LRP2: variants seen among roughly 807,000 people sequenced by gnomAD.
LRP2 encodes LDL receptor related protein 2, also known as low-density lipoprotein receptor-related protein 2.
LRP2 carries 172 observed loss-of-function variants against 531.0 expected under a neutral mutation model. The observed-to-expected ratio is 0.32, with a 90% CI of 0.29 to 0.37. The LOEUF (loss-of-function observed/expected upper bound fraction) is 0.37, where lower values mean the gene tolerates loss of function less well. Ranked by LOEUF, LRP2 falls within the 10% of genes least tolerant of loss-of-function variation. The pLI is 1.00. For missense variants in LRP2, 5,167 were observed against 5,868.3 expected, an observed-to-expected ratio of 0.88 and a Z score of 3.90; for synonymous variants, 1,992 against 2,027.6, an observed-to-expected ratio of 0.98 and a Z score of 0.47.
At chr2:169,264,094 T>C (rs1574196296) in intron 16 of LRP2, among the ~76,000 whole-genome samples, 1 of 151,928 alleles carries the variant, frequency 6.6e-6, no homozygotes, top group African/African-American at 2.4e-5. Context: ...TGGGGACTGT[T>C]GTGGGGTGGC....
Position 169,294,639 on chromosome 2 carries a change from T to C in LRP2, c.499A>G (p.Lys167Glu). ...CYNTSQKCDW[K>E]VDCRDSSDEI... ...TCTGAGGAGTCCCTGCAATCAACTT[T>C]CCAATCACACTTCTGACTGGTGTTA... The change falls in exon 5 of 79, where the codon AAA becomes GAA. Residue 167 changes from lysine (K) to glutamate (E), a missense_variant. Physicochemically the swap from Lys to Glu is moderately conservative, Grantham distance 56. Around this residue, in one of 6 missense-constraint regions of LRP2, gnomAD observed 2,811 missense variants for 3,058.0 expected, o/e 0.92. Coordinates refer to ENST00000649046, the MANE Select transcript of LRP2 (RefSeq NM_004525.3). 2 of 1,613,202 alleles carry C rather than the reference T, an allele frequency of 1.2e-6. No individual in the cohort carries two copies. The highest frequency in any genetic ancestry group is 1.7e-6 in the Non-Finnish European group (2 of 1,179,800).
intron 16 of LRP2, among the ~76,000 whole-genome samples, chr2:169,270,673 G>A (rs1180151890): frequency 6.6e-6 from 1 of 151,610 alleles, no homozygotes; most frequent in Admixed American, 6.6e-5. Context: ...GTTAACGGGT[G>A]CAGCACACCA....
At chr2:169,337,367 AG>A (rs1039561601) in intron 1 of LRP2, among the ~76,000 whole-genome samples, 11 of 152,274 alleles carry the variant, frequency 7.2e-5, no homozygotes, top group Admixed American at 5.9e-4. Flanking sequence ...CGTACCACAT[AG>A]GTTGTGGTAC....
intron 44 of LRP2, 127 bp downstream of exon 44, chr2:169,201,501 A>G (rs1688200912): frequency 7.4e-7 from 1 of 1,343,218 alleles, no homozygotes; most frequent in African/African-American, 1.5e-5. Context: ...CTAGCCAAAA[A>G]TTTACGTTTT....
At chr2:169,308,317 GC>G (rs1559068107) in intron 3 of LRP2, among the ~76,000 whole-genome samples, 1 of 152,000 alleles carries the variant, frequency 6.6e-6, no homozygotes, top group African/African-American at 2.4e-5. Flanking sequence ...TTGGTGTGCT[GC>G]CCCCATTAAC....
intron 3 of LRP2, among the ~76,000 whole-genome samples, chr2:169,316,768 C>T (rs1684774772): frequency 6.6e-6 from 1 of 151,968 alleles, no homozygotes; most frequent in African/African-American, 2.4e-5. Context: ...CTGAGAGTGT[C>T]CAGAATGAGA....
chr2:169,152,409 C>T (rs1248789374), intron 67 of LRP2, among the ~76,000 whole-genome samples: 1 of 152,164 alleles, frequency 6.6e-6, no homozygotes, highest in African/African-American at 2.4e-5. Flanking sequence ...GAGGCTGTCC[C>T]ATTTCTTCAC....
chr2:169,212,407 C>T (rs950361206), intron 36 of LRP2, among the ~76,000 whole-genome samples, 200 bp from the exon 37 acceptor site: 2 of 152,060 alleles, frequency 1.3e-5, no homozygotes, highest in Non-Finnish European at 1.5e-5. Context: ...ACCAGTAACC[C>T]AACTATTGTA....
rs1241069954 is a variant in LRP2, at chr2:169,273,063, G to A, written c.1980C>T (p.Thr660=). ...VYHSLRQPYA[T]NPCKDNNGGC... ...CCCCATTGTTATCTTTACACGGATT[G>A]GTAGCTGGAAGGAAAAATGCACAGG... Residue 660 remains threonine, a synonymous_variant, in exon 15 of 79, where the codon ACC becomes ACT. Coordinates refer to ENST00000649046, the MANE Select transcript of LRP2 (RefSeq NM_004525.3). 19 of 1,613,374 alleles carry A rather than the reference G, an allele frequency of 1.2e-5. No homozygotes were observed. The Admixed American group carries it at 2.5e-4, about 21-fold the overall frequency.
chr2:169,181,683 C>A, intron 51 of LRP2, 65 bp from the exon 52 acceptor site: 13 of 1,417,956 alleles, frequency 9.2e-6, no homozygotes, highest in Non-Finnish European at 1.2e-5. Context: ...AAAATACACA[C>A]CTTTTCTCCA....
At chr2:169,247,658 C>T in intron 19 of LRP2, 143 bp from the exon 20 acceptor site, 1 of 888,336 alleles carries the variant, frequency 1.1e-6, no homozygotes, top group Non-Finnish European at 1.8e-6. Flanking sequence ...TTTCTCTAAC[C>T]ATTTTCCACG....
intron 9 of LRP2, among the ~76,000 whole-genome samples, chr2:169,285,935 A>T (rs1483427657): frequency 6.6e-6 from 1 of 152,200 alleles, no homozygotes; most frequent in Non-Finnish European, 1.5e-5. Context: ...GGTTTCCAAC[A>T]CCTGAAGCCT....
chr2:169,155,078 G>T (rs1046755976), intron 65 of LRP2, among the ~76,000 whole-genome samples: 2 of 152,106 alleles, frequency 1.3e-5, no homozygotes, highest in African/African-American at 4.8e-5. Context: ...TCAGCTCTAT[G>T]ACCCAATTTA....
At chr2:169,257,829 A>AAC (rs1690370943) in intron 17 of LRP2, among the ~76,000 whole-genome samples, 1 of 149,308 alleles carries the variant, frequency 6.7e-6, no homozygotes, top group African/African-American at 2.5e-5. Flanking sequence ...CAAAAACAAA[A>AAC]AAAAAAAACA....
chr2:169,136,294 A>T (rs1221023486), intron 76 of LRP2, among the ~76,000 whole-genome samples: 1 of 152,086 alleles, frequency 6.6e-6, no homozygotes, highest in African/African-American at 2.4e-5. Context: ...AACACTGCGC[A>T]TTATCTCTCC....
chr2:169,294,491 A>T, intron 5 of LRP2, 109 bp downstream of exon 5: 1 of 864,340 alleles, frequency 1.2e-6, no homozygotes, highest in African/African-American at 1.6e-5. Context: ...CAAACTACCA[A>T]CATGAATTCA....
chr2:169,173,992 G>A lies in LRP2; in HGVS notation c.10941C>T (p.Cys3647=), dbSNP rs1687095417. 1 of 1,614,218 alleles carries A rather than the reference G, an allele frequency of 6.2e-7. No individual in the cohort carries two copies. Among genetic ancestry groups the A allele is most frequent in the Non-Finnish European group, 8.5e-7 (1 of 1,180,038 alleles). Residue 3647 remains cysteine (C), a synonymous_variant, in exon 56 of 79, where the codon TGC becomes TGT. Coordinates refer to ENST00000649046, the MANE Select transcript of LRP2 (RefSeq NM_004525.3). ...CATCACACTTCCAGGCCTGCGGGATGCAGCGGCCATTAGCACACCGAAACT... is the reference window on the plus strand; with the variant it reads ...CATCACACTTCCAGGCCTGCGGGATACAGCGGCCATTAGCACACCGAAACT... The part of the protein sequence containing the change: ...PGQFRCANGR[C]IPQAWKCDVD...
chr2:169,175,492 C>A, intron 54 of LRP2, 103 bp from the exon 55 acceptor site: 1 of 1,042,902 alleles, frequency 9.6e-7, no homozygotes, highest in Non-Finnish European at 1.5e-6. Context: ...CATGCATGAG[C>A]TCTCTCGTGG....
Position 169,220,505 on chromosome 2 carries a change from G to T in LRP2, c.5597C>A (p.Thr1866Lys). 1 of 1,613,590 alleles carries T rather than the reference G, an allele frequency of 6.2e-7. No homozygotes were observed. Among genetic ancestry groups the T allele is most frequent in the Non-Finnish European group, 8.5e-7 (1 of 1,179,678 alleles). ...YRKTLIANDG[T>K]ALGVGFPIGI... ...AATTGGAAAGCCAACTCCAAGAGCT[G>T]TCCCATCATTGGCAATCAATGTTTT... Residue 1866 changes from threonine (T) to lysine (K), a missense_variant, in exon 34 of 79, where the codon ACA becomes AAA. Transcript: ENST00000649046.
Sources: allele counts gnomAD v4.1 joint callset (sites outside exome capture counted in the v4.1 genomes callset), GRCh38; gene constraint gnomAD v4.1.1; regional missense constraint gnomAD v4.1.1; transcripts MANE v1.5; gene names NCBI Gene and HGNC (gene_info 2026-07-23, HGNC 2026-07-21).